The following NEK7 variants were observed in gnomAD, a reference collection of about 807,000 sequenced individuals.
NEK7 encodes NIMA related kinase 7.
Under a neutral mutation model 44.6 loss-of-function variants are expected in NEK7, and 18 were observed. The observed-to-expected ratio is 0.40, with a 90% CI of 0.28 to 0.60. The LOEUF (loss-of-function observed/expected upper bound fraction) is 0.60, where lower values mean the gene tolerates loss of function less well. Ranked by LOEUF, NEK7 falls within the 20% of genes least tolerant of loss-of-function variation. The pLI is 0.38. For missense variants in NEK7, 256 were observed against 366.5 expected (o/e 0.70, Z 2.46); for synonymous variants, 130 against 121.1 (o/e 1.07, Z -0.48).
Position 198,283,818 on chromosome 1 carries a change from T to C in NEK7, c.589+4757T>C, listed in dbSNP as rs571355619. 7.2e-5 allele frequency among the ~76,000 whole-genome samples: 11 copies of C among 152,266 alleles called. No individual in the cohort carries two copies. In the South Asian group the frequency reaches 2.3e-3, roughly 32 times the overall value. On this transcript the variant is annotated intron_variant, in intron 7 of 9. Coordinates refer to ENST00000367385, the MANE Select transcript of NEK7 (RefSeq NM_133494.3). ...TTCTGATATTGTCTGTTCTATGTTA[T>C]TTCACTAGAAATCACACTGGTTACA...
intron 9 of NEK7, among the ~76,000 whole-genome samples, chr1:198,302,415 T>C (rs1353115122): frequency 6.6e-6 from 1 of 151,780 alleles, no homozygotes; most frequent in Non-Finnish European, 1.5e-5. Context: ...CTTTCTGGCT[T>C]CTCCTGGAAT....
chr1:198,185,174 G>A (rs1664880020), intron 1 of NEK7, among the ~76,000 whole-genome samples: 1 of 145,106 alleles, frequency 6.9e-6, no homozygotes, highest in African/African-American at 2.5e-5. Flanking sequence ...CTTTTACATA[G>A]TAGTACATGC....
chr1:198,191,992 C>A (rs748687199), intron 1 of NEK7, among the ~76,000 whole-genome samples: 1 of 152,030 alleles, frequency 6.6e-6, no homozygotes, highest in Admixed American at 6.6e-5. Flanking sequence ...ATTGCCCTTT[C>A]AATAAGCTTG....
At chr1:198,190,289 A>G (rs1665035193) in intron 1 of NEK7, among the ~76,000 whole-genome samples, 2 of 152,066 alleles carry the variant, frequency 1.3e-5, no homozygotes, top group African/African-American at 4.8e-5. Flanking sequence ...AGACTTTTAG[A>G]GACTCCTCTA....
At chr1:198,171,722 A>G (rs1019487430) in intron 1 of NEK7, among the ~76,000 whole-genome samples, 1 of 150,848 alleles carries the variant, frequency 6.6e-6, no homozygotes, top group African/African-American at 2.4e-5. Flanking sequence ...TGGCCTTGGC[A>G]TTTTCCTCTG....
chr1:198,240,651 T>G (rs1666661166), intron 2 of NEK7, among the ~76,000 whole-genome samples: 1 of 152,108 alleles, frequency 6.6e-6, no homozygotes, highest in Non-Finnish European at 1.5e-5. Context: ...TGGTATTCTT[T>G]TTTTTGACCA....
intron 5 of NEK7, among the ~76,000 whole-genome samples, chr1:198,274,573 C>A (rs1429334982): frequency 6.6e-6 from 1 of 151,642 alleles, no homozygotes; most frequent in African/African-American, 2.4e-5. Flanking sequence ...AGATCATTTT[C>A]TATCTTTCTC....
chr1:198,289,252 T>C (rs918028950), intron 7 of NEK7, among the ~76,000 whole-genome samples: 1 of 152,180 alleles, frequency 6.6e-6, no homozygotes, highest in Admixed American at 6.5e-5. Context: ...TTCTGTAGTT[T>C]GCTCTGATTC....
At chr1:198,258,650 T>C (rs1242381181) in intron 3 of NEK7, among the ~76,000 whole-genome samples, 4 of 152,168 alleles carry the variant, frequency 2.6e-5, no homozygotes, top group Non-Finnish European at 4.4e-5. Context: ...TGGCAAAATT[T>C]TAAGATGACA....
intron 7 of NEK7, among the ~76,000 whole-genome samples, chr1:198,289,157 G>GTA (rs1230989670): frequency 7.0e-6 from 1 of 142,938 alleles, no homozygotes; most frequent in Non-Finnish European, 1.6e-5. Flanking sequence ...GTGTGTGTGT[G>GTA]TGTGTGTGTG....
chr1:198,238,643 T>C (rs1041732396), intron 2 of NEK7, among the ~76,000 whole-genome samples: 1 of 152,186 alleles, frequency 6.6e-6, no homozygotes, highest in Non-Finnish European at 1.5e-5. Flanking sequence ...TAAGGCATTC[T>C]TTTTTACACA....
chr1:198,257,047 A>G (rs918169458), intron 3 of NEK7, among the ~76,000 whole-genome samples: 2 of 152,120 alleles, frequency 1.3e-5, no homozygotes, highest in Admixed American at 6.6e-5. Context: ...TACGTGAGGT[A>G]TTTTGATCCT....
chr1:198,302,594 T>G (rs1414344124), intron 9 of NEK7, among the ~76,000 whole-genome samples: 5 of 152,176 alleles, frequency 3.3e-5, no homozygotes, highest in Non-Finnish European at 1.5e-5. Flanking sequence ...TATGGTTGAT[T>G]ATGTATGAAT....
At chr1:198,296,701 A>G (rs1027009593) in intron 8 of NEK7, among the ~76,000 whole-genome samples, 3 of 152,202 alleles carry the variant, frequency 2.0e-5, no homozygotes, top group East Asian at 3.9e-4. Flanking sequence ...TCTCTTCCCT[A>G]TGCTAGATTA....
At chr1:198,265,264 T>C (rs1653610295) in intron 5 of NEK7, among the ~76,000 whole-genome samples, 1 of 152,116 alleles carries the variant, frequency 6.6e-6, no homozygotes, top group African/African-American at 2.4e-5. Flanking sequence ...AAGAAAGTCT[T>C]CATTCAGCTG....
At chr1:198,251,484 C>T (rs548445401) in intron 2 of NEK7, among the ~76,000 whole-genome samples, 10 of 150,160 alleles carry the variant, frequency 6.7e-5, no homozygotes, top group East Asian at 6.1e-4. Context: ...TGGTAGAATT[C>T]GGCTGTAAAT....
chr1:198,259,252 A>T (rs1653376130), intron 3 of NEK7, among the ~76,000 whole-genome samples: 1 of 151,820 alleles, frequency 6.6e-6, no homozygotes, highest in Non-Finnish European at 1.5e-5. Context: ...GTTTCCTAAA[A>T]CTCTTATACA....
intron 7 of NEK7, among the ~76,000 whole-genome samples, chr1:198,281,829 A>T (rs193296427): frequency 2.1e-4 from 32 of 152,130 alleles, no homozygotes; most frequent in Non-Finnish European, 3.7e-4. Context: ...TTTTCATTCC[A>T]TAATAAATCA....
chr1:198,194,855 A>C (rs1665187528), intron 1 of NEK7, among the ~76,000 whole-genome samples: 1 of 152,112 alleles, frequency 6.6e-6, no homozygotes, highest in South Asian at 2.1e-4. Context: ...GCTGGGTTGA[A>C]TGGTATTTTT....
Sources: allele counts gnomAD v4.1 joint callset (sites outside exome capture counted in the v4.1 genomes callset), GRCh38; gene constraint gnomAD v4.1.1; transcripts MANE v1.5; gene names NCBI Gene and HGNC (gene_info 2026-07-23, HGNC 2026-07-21).